TMPRSS11E: variants seen among roughly 807,000 people sequenced by gnomAD.
The protein encoded by TMPRSS11E is transmembrane serine protease 11E, also known as transmembrane protease serine 11E.
Under a neutral mutation model 48.1 loss-of-function variants are expected in TMPRSS11E, and 38 were observed. The ratio of observed to expected loss-of-function variants is 0.79; its 90% CI spans 0.61 to 1.04. TMPRSS11E has a LOEUF of 1.04. Ranked by LOEUF, TMPRSS11E falls within the 50% of genes least tolerant of loss-of-function variation. The pLI is 0.00. For synonymous variants in TMPRSS11E, 158 were observed against 171.9 expected, an observed-to-expected ratio of 0.92 and a Z score of 0.63; for missense variants, 530 against 510.8, an observed-to-expected ratio of 1.04 and a Z score of -0.36.
In TMPRSS11E at chr4:68,486,159, T is replaced by C. The variant is rs145945729; in HGVS notation, c.1110+7168T>C. ...ATTTCATTCAGTTCAGCTCTAATTT[T>C]GGTTATTTTTGTCTTGTGCTAGTTT... is the stretch of plus-strand genomic sequence containing the variant. On this transcript the variant is annotated intron_variant, in intron 9 of 9. Coordinates refer to ENST00000305363, the MANE Select transcript of TMPRSS11E (RefSeq NM_014058.4). Among the ~76,000 whole-genome samples, 928 of 152,302 alleles carry C rather than the reference T, an allele frequency of 6.1e-3. 28 individuals carry two copies. The highest frequency in any genetic ancestry group is 0.041 in the Admixed American group (631 of 15,294).
chr4:68,458,307 T>G (rs535180831), intron 1 of TMPRSS11E, among the ~76,000 whole-genome samples: 226 of 152,188 alleles, frequency 1.5e-3, no homozygotes, highest in Admixed American at 2.4e-3. Flanking sequence ...ATAATAATAA[T>G]GCAGCCTAAG....
At position 68,471,511 on chromosome 4, in the gene TMPRSS11E, C is replaced by G; in HGVS notation, c.378C>G (p.His126Gln). Residue 126 changes from histidine to glutamine, a missense_variant, in exon 5 of 10, where the codon CAC (histidine) becomes CAG (glutamine). His to Gln is a conservative substitution (Grantham distance 24). Transcript: ENST00000305363. Reference protein sequence around the residue: ...LAHMLLICRFHSTEDPETVDK... With the variant: ...LAHMLLICRFQSTEDPETVDK... ...ATATGCTGTTGATTTGTAGATTTCA[C>G]TCTACTGAGGATCCTGAAACTGTAG... 1 of 1,605,950 alleles carries G rather than the reference C, an allele frequency of 6.2e-7. No homozygotes were observed. The highest frequency in any genetic ancestry group is 8.5e-7 in the Non-Finnish European group (1 of 1,176,772).
intron 4 of TMPRSS11E, 136 bp downstream of exon 4, chr4:68,469,082 G>C: frequency 1.3e-6 from 1 of 754,522 alleles, no homozygotes; most frequent in Non-Finnish European, 2.3e-6. Flanking sequence ...GTAAGTCATG[G>C]GTTACAAAGT....
At chr4:68,468,319 CTCTT>C (rs1015008091) in intron 3 of TMPRSS11E, among the ~76,000 whole-genome samples, 52 of 152,184 alleles carry the variant, frequency 3.4e-4, no homozygotes, top group African/African-American at 1.2e-3. Context: ...CAAAAATAGA[CTCTT>C]TCACTTTAGT....
At chr4:68,452,305 T>C (rs1444874687) in intron 1 of TMPRSS11E, among the ~76,000 whole-genome samples, 1 of 151,972 alleles carries the variant, frequency 6.6e-6, no homozygotes, top group Non-Finnish European at 1.5e-5. Context: ...ATGTGGCCCA[T>C]TTAAAATTAG....
At position 68,461,853 on chromosome 4, in the gene TMPRSS11E, G is replaced by T. The variant is rs1189545474; in HGVS notation, c.44G>T (p.Cys15Phe). 2 of 1,614,192 alleles carry T rather than the reference G, an allele frequency of 1.2e-6. No homozygotes were observed. Among genetic ancestry groups the T allele is most frequent in the Non-Finnish European group, 1.7e-6 (2 of 1,180,024 alleles). The change falls in exon 2 of 10, where the codon TGT becomes TTT. Residue 15 changes from cysteine (C) to phenylalanine (F), a missense_variant. Coordinates refer to ENST00000305363, the MANE Select transcript of TMPRSS11E (RefSeq NM_014058.4). ...GTGGTGAGGGCTAGGAAAAGAGTTT[G>T]TTGGGAACCCTGGGTTATCGGCCTC... ...PDVVRARKRV[C>F]WEPWVIGLVI...
At chr4:68,477,908 T>C (rs1488070562) in intron 8 of TMPRSS11E, among the ~76,000 whole-genome samples, 1 of 152,150 alleles carries the variant, frequency 6.6e-6, no homozygotes, top group African/African-American at 2.4e-5. Flanking sequence ...CTTTAGAGAA[T>C]TAACCAGTTT....
intron 7 of TMPRSS11E, among the ~76,000 whole-genome samples, chr4:68,476,810 A>G (rs1729232050): frequency 6.6e-6 from 1 of 152,162 alleles, no homozygotes. Flanking sequence ...GGGAAATTTC[A>G]CATGGTAAGA....
At chr4:68,448,012 T>C (rs1274031878) in intron 1 of TMPRSS11E, among the ~76,000 whole-genome samples, 1 of 151,982 alleles carries the variant, frequency 6.6e-6, no homozygotes, top group Non-Finnish European at 1.5e-5. Context: ...AAGAAAATAA[T>C]ATGACTAAAT....
At chr4:68,473,008 T>C (rs1391650501) in intron 5 of TMPRSS11E, among the ~76,000 whole-genome samples, 1 of 152,058 alleles carries the variant, frequency 6.6e-6, no homozygotes, top group East Asian at 1.9e-4. Flanking sequence ...ATTATGCAAC[T>C]ATATTTCGTA....
At chr4:68,448,866 G>A (rs1439541000) in intron 1 of TMPRSS11E, among the ~76,000 whole-genome samples, 1 of 151,792 alleles carries the variant, frequency 6.6e-6, no homozygotes, top group Admixed American at 6.6e-5. Context: ...AATGTTAAGA[G>A]CATGTACTAG....
intron 9 of TMPRSS11E, among the ~76,000 whole-genome samples, chr4:68,484,175 T>C (rs13114070): frequency 0.32 from 49,154 of 152,072 alleles, 8,723 homozygotes; most frequent in East Asian, 0.77. Flanking sequence ...CTGTGAAAAA[T>C]GACATTGGTA....
chr4:68,487,126 G>A (rs531491020), intron 9 of TMPRSS11E, among the ~76,000 whole-genome samples: 11 of 152,210 alleles, frequency 7.2e-5, no homozygotes, highest in Non-Finnish European at 1.0e-4. Context: ...TTATATTCAA[G>A]TTATAATATT....
chr4:68,470,892 T>C (rs1729045951), intron 4 of TMPRSS11E, among the ~76,000 whole-genome samples: 1 of 151,928 alleles, frequency 6.6e-6, no homozygotes, highest in South Asian at 2.1e-4. Flanking sequence ...GCCTGAAGAT[T>C]GTTTAGGGGA....
intron 6 of TMPRSS11E, among the ~76,000 whole-genome samples, chr4:68,475,592 A>G (rs1238208228): frequency 6.6e-6 from 1 of 152,216 alleles, no homozygotes; most frequent in Non-Finnish European, 1.5e-5. Flanking sequence ...TGGATAAGAT[A>G]TAATATCTCT....
At chr4:68,491,444 TTTTG>T (rs1473276488) in intron 9 of TMPRSS11E, among the ~76,000 whole-genome samples, 1 of 152,152 alleles carries the variant, frequency 6.6e-6, no homozygotes, top group African/African-American at 2.4e-5. Flanking sequence ...CCAGGTATTT[TTTTG>T]TTTGTTTTAG....
chr4:68,464,366 G>A (rs1219763047), intron 2 of TMPRSS11E, among the ~76,000 whole-genome samples: 1 of 152,138 alleles, frequency 6.6e-6, no homozygotes, highest in Non-Finnish European at 1.5e-5. Flanking sequence ...TTCTGTGTAT[G>A]GTTCGTGTCT....
chr4:68,457,317 T>C (rs1370488286), intron 1 of TMPRSS11E, among the ~76,000 whole-genome samples: 2 of 152,168 alleles, frequency 1.3e-5, no homozygotes, highest in Non-Finnish European at 2.9e-5. Context: ...TCACTGTTCA[T>C]CAGAGAAATG....
At chr4:68,449,292 T>C (rs1728431020) in intron 1 of TMPRSS11E, among the ~76,000 whole-genome samples, 1 of 151,774 alleles carries the variant, frequency 6.6e-6, no homozygotes, top group Admixed American at 6.6e-5. Flanking sequence ...AAGAAAACTC[T>C]ATCAGGCATA....
Sources: gnomAD v4.1 joint callset for allele counts (sites outside exome capture counted in the v4.1 genomes callset) on GRCh38, gnomAD v4.1.1 for gene constraint, MANE v1.5 for transcripts, NCBI Gene and HGNC (gene_info 2026-07-23, HGNC 2026-07-21) for gene names.